The following RARS1 variants were observed in gnomAD, a reference collection of about 807,000 sequenced individuals.
The protein encoded by RARS1 is arginyl-tRNA synthetase 1.
A neutral mutation model predicts 78.7 loss-of-function variants in RARS1; 75 were observed. That is an observed-to-expected ratio of 0.95 (90% CI 0.79 to 1.15). The LOEUF (loss-of-function observed/expected upper bound fraction) is 1.15, where lower values mean the gene tolerates loss of function less well. RARS1 is among the 50% of genes most tolerant of loss of function. The pLI, the probability that RARS1 is intolerant of heterozygous loss-of-function variation, is 0.00. For synonymous variants in RARS1, 273 were observed against 268.2 expected, an observed-to-expected ratio of 1.02 and a Z score of -0.18; for missense variants, 787 against 787.5, an observed-to-expected ratio of 1.00 and a Z score of 0.01.
intron 12 of RARS1, among the ~76,000 whole-genome samples, chr5:168,511,063 T>G (rs1451414824): frequency 6.6e-6 from 1 of 152,156 alleles, no homozygotes; most frequent in Non-Finnish European, 1.5e-5. Context: ...GTCATAGCAG[T>G]CAGTTCTTGC....
chr5:168,515,601 C>T (rs1758649837), intron 12 of RARS1, among the ~76,000 whole-genome samples: 1 of 152,208 alleles, frequency 6.6e-6, no homozygotes, highest in African/African-American at 2.4e-5. Flanking sequence ...AGGTAGCATA[C>T]CAGCTGATTA....
chr5:168,486,474 T>C lies in RARS1; in HGVS notation c.-25T>C, dbSNP rs1757963950. The stretch of plus-strand genomic sequence containing the variant: ...CTGACCGTTTCCGCTTCCGTCCACT[T>C]GGCGAGTGAGACGCTGATGGGAGGA... On this transcript the variant is annotated 5_prime_UTR_variant, in exon 1 of 15. Coordinates refer to ENST00000231572, the MANE Select transcript of RARS1 (RefSeq NM_002887.4). 6.4e-7 allele frequency: 1 copy of C among 1,554,578 alleles called. No individual in the cohort carries two copies. Among genetic ancestry groups the C allele is most frequent in the African/African-American group, 1.4e-5 (1 of 73,644 alleles).
chr5:168,502,568 ATT>A (rs34271397), intron 9 of RARS1, among the ~76,000 whole-genome samples: 3 of 121,178 alleles, frequency 2.5e-5, no homozygotes, highest in Admixed American at 9.2e-5. Flanking sequence ...TGATTCATGA[ATT>A]TTTTTTTTTT....
At chr5:168,492,962 C>A in intron 3 of RARS1, 115 bp downstream of exon 3, 1 of 1,040,122 alleles carries the variant, frequency 9.6e-7, no homozygotes, top group Non-Finnish European at 1.3e-6. Flanking sequence ...AGGACATTTG[C>A]CACAGTTTGA....
chr5:168,500,806 A>G (rs1758304412), intron 8 of RARS1, 86 bp downstream of exon 8: 2 of 1,466,146 alleles, frequency 1.4e-6, no homozygotes, highest in Non-Finnish European at 1.8e-6. Flanking sequence ...ACTTTGAGTG[A>G]TATTTTAACC....
At chr5:168,495,493 T>C (rs967449706) in intron 6 of RARS1, 57 bp downstream of exon 6, 1 of 1,571,056 alleles carries the variant, frequency 6.4e-7, no homozygotes, top group Middle Eastern at 1.7e-4. Flanking sequence ...TTTGGAAAAT[T>C]CTATAGAACA....
chr5:168,502,876 T>G (rs1489019103), intron 9 of RARS1, among the ~76,000 whole-genome samples: 1 of 152,168 alleles, frequency 6.6e-6, no homozygotes, highest in Admixed American at 6.5e-5. Context: ...TTTCAAAGTA[T>G]GCATATAACA....
Position 168,489,812 on chromosome 5 carries a change from C to CTTT in RARS1, c.180+1093_180+1095dup, listed in dbSNP as rs35560247. On this transcript the variant is annotated intron_variant, in intron 2 of 14. Transcript: ENST00000231572. ...ACTCCCATGACATCTCTCATATTATCTTTTTTTTTTTTTTTTTTTGAGACG... is the reference window on the plus strand; with the variant it reads ...ACTCCCATGACATCTCTCATATTATCTTTTTTTTTTTTTTTTTTTTTTGAGACG... 6.8e-3 allele frequency among the ~76,000 whole-genome samples: 881 copies of CTTT among 130,308 alleles called. 18 individuals carry two copies. The highest frequency in any genetic ancestry group is 0.023 in the African/African-American group (818 of 35,708). The allele number at this position is 130,308 out of a possible 152,430, so 85.5% of individuals were successfully genotyped here. A position where few individuals can be genotyped will look rare whatever the true frequency, so the allele number is the denominator to read the frequency against.
At chr5:168,495,266 T>A (rs778660559) in intron 5 of RARS1, 49 bp from the exon 6 acceptor site, 1 of 1,582,052 alleles carries the variant, frequency 6.3e-7, no homozygotes, top group East Asian at 2.3e-5. Context: ...TCTTTCTCTC[T>A]TTATGTTTAT....
chr5:168,507,659 G>C (rs1439614245), intron 11 of RARS1, among the ~76,000 whole-genome samples: 1 of 152,212 alleles, frequency 6.6e-6, no homozygotes, highest in Non-Finnish European at 1.5e-5. Context: ...CTTAGATACA[G>C]ATTATGTGGA....
At chr5:168,500,493 CTG>C (rs1758293776) in intron 7 of RARS1, 96 bp from the exon 8 acceptor site, 2 of 1,160,804 alleles carry the variant, frequency 1.7e-6, no homozygotes, top group African/African-American at 3.2e-5. Flanking sequence ...TACTTTCTCA[CTG>C]TGTTTGTGTG....
intron 12 of RARS1, among the ~76,000 whole-genome samples, chr5:168,516,285 G>T (rs1401663185): frequency 1.3e-5 from 2 of 152,116 alleles, no homozygotes; most frequent in Non-Finnish European, 2.9e-5. Flanking sequence ...TTACTTACTT[G>T]TGGCCTAATA....
At chr5:168,505,538 A>AT (rs1758422337) in intron 9 of RARS1, among the ~76,000 whole-genome samples, 1 of 152,062 alleles carries the variant, frequency 6.6e-6, no homozygotes, top group Admixed American at 6.6e-5. Context: ...AGCAAAGCAG[A>AT]TTTTCATGTT....
Position 168,500,658 on chromosome 5 carries a change from T to C in RARS1, c.890T>C (p.Leu297Pro), listed in dbSNP as rs1197143394. The C allele has an allele frequency of 6.2e-7, 1 of 1,610,772 alleles. No homozygotes were observed. Among genetic ancestry groups the C allele is most frequent in the South Asian group, 1.1e-5 (1 of 90,424 alleles). Residue 297 changes from leucine (L) to proline (P), a missense_variant, in exon 8 of 15, where the codon CTC (leucine) becomes CCC (proline). By Grantham distance (98) the Leu-to-Pro change is moderately conservative. Coordinates refer to ENST00000231572, the MANE Select transcript of RARS1 (RefSeq NM_002887.4). ...CGAGCATATCAGTGTGTAGTTCTGC[T>C]CCAGGGTAAAAACCCAGATATTACA... ...KKRAYQCVVL[L>P]QGKNPDITKA... is the part of the protein sequence containing the mutation.
chr5:168,515,320 T>C (rs1218616774), intron 12 of RARS1, among the ~76,000 whole-genome samples: 3 of 152,164 alleles, frequency 2.0e-5, no homozygotes. Context: ...CTTGCTCTTT[T>C]ATCTTTTTCC....
Position 168,514,360 on chromosome 5 carries a change from T to C in RARS1, c.1453-2418T>C, listed in dbSNP as rs77804607. Reference sequence around the variant, plus strand: ...TCCAAGTACATATGTTAGAACTTTGTATCTCACGTGTTTCTTATGCTCTAA... The same window carrying C: ...TCCAAGTACATATGTTAGAACTTTGCATCTCACGTGTTTCTTATGCTCTAA... On this transcript the variant is annotated intron_variant, in intron 12 of 14. Transcript: ENST00000231572. Among the ~76,000 whole-genome samples, 601 of 152,334 alleles carry C rather than the reference T, an allele frequency of 3.9e-3. 3 individuals are homozygous for C. Among genetic ancestry groups the C allele is most frequent in the African/African-American group, 0.014 (572 of 41,578 alleles).
rs1158721219 is a variant in RARS1, at chr5:168,502,594, CAG to C, written c.1057+492_1057+493del. On this transcript the variant is annotated intron_variant, in intron 9 of 14. Transcript: ENST00000231572. ...TTTTTTTTTTTTTTTTTTTTGGAAA[CAG>C]AGTCTTACTCTGTCGCCTAGGCTGG... Among the ~76,000 whole-genome samples, 85 of 106,330 alleles carry C rather than the reference CAG, an allele frequency of 8.0e-4. 1 individual carries two copies. The highest frequency in any genetic ancestry group is 1.2e-3 in the South Asian group (4 of 3,400). The allele number at this position is 106,330 out of a possible 152,430, so 69.8% of individuals were successfully genotyped here.
chr5:168,492,907 C>T (rs923754055), intron 3 of RARS1, 60 bp downstream of exon 3: 3 of 1,324,696 alleles, frequency 2.3e-6, no homozygotes, highest in Non-Finnish European at 3.1e-6. Context: ...ATCATCATTG[C>T]CATTTACAGA....
intron 2 of RARS1, among the ~76,000 whole-genome samples, chr5:168,489,735 C>G (rs2152903301): frequency 6.6e-6 from 1 of 151,948 alleles, no homozygotes; most frequent in South Asian, 2.1e-4. Flanking sequence ...GCATTACATC[C>G]TTTTCCCAAA....
Sources: allele counts gnomAD v4.1 joint callset (sites outside exome capture counted in the v4.1 genomes callset), GRCh38; gene constraint gnomAD v4.1.1; transcripts MANE v1.5; gene names NCBI Gene and HGNC (gene_info 2026-07-23, HGNC 2026-07-21).